Variants in VRK3 observed in about 807,000 individuals in gnomAD.
VRK3 encodes serine/threonine-protein kinase VRK3.
A neutral mutation model predicts 60.4 loss-of-function variants in VRK3; 50 were observed. That is an observed-to-expected ratio of 0.83 (90% CI 0.66 to 1.05). The LOEUF (loss-of-function observed/expected upper bound fraction) is 1.05, where lower values mean the gene tolerates loss of function less well. VRK3 is among the 50% of genes least tolerant of loss of function. The pLI, the probability that VRK3 is intolerant of heterozygous loss-of-function variation, is 0.00. For synonymous variants in VRK3, 246 were observed against 227.8 expected, an observed-to-expected ratio of 1.08 and a Z score of -0.72; for missense variants, 549 against 585.3, an observed-to-expected ratio of 0.94 and a Z score of 0.64.
intron 3 of VRK3, among the ~76,000 whole-genome samples, chr19:50,011,050 TAGTTCACCCACTG>T (rs1231436838): frequency 2.0e-5 from 3 of 152,232 alleles, no homozygotes; most frequent in Non-Finnish European, 4.4e-5. Context: ...GCTTTTGTTG[TAGTTCACCCACTG>T]AGGAGCCCCA....
chr19:49,991,173 T>C (rs1281032486), intron 10 of VRK3, among the ~76,000 whole-genome samples: 2 of 152,158 alleles, frequency 1.3e-5, no homozygotes, highest in Non-Finnish European at 2.9e-5. Context: ...TGGGAGTGTC[T>C]ATGAGGGTGT....
At chr19:50,002,434 G>T (rs1379913449) in intron 5 of VRK3, among the ~76,000 whole-genome samples, 1 of 152,108 alleles carries the variant, frequency 6.6e-6, no homozygotes, top group Non-Finnish European at 1.5e-5. Flanking sequence ...GATCATGCTG[G>T]AGCAGGCTGT....
chr19:50,010,991 C>T (rs541876988), intron 3 of VRK3, among the ~76,000 whole-genome samples: 1 of 150,776 alleles, frequency 6.6e-6, no homozygotes, highest in African/African-American at 2.5e-5. Context: ...CCTTTATTTA[C>T]CCACCACCAA....
intron 1 of VRK3, among the ~76,000 whole-genome samples, chr19:50,021,135 G>A (rs180778141): frequency 3.3e-4 from 51 of 152,312 alleles, no homozygotes; most frequent in African/African-American, 1.2e-3. Context: ...GCATTATCCT[G>A]TTTAGTCTAT....
rs538144589 is a variant in VRK3 at position 50,009,882 on chromosome 19, C to T, written c.140-497G>A. 3.9e-5 allele frequency among the ~76,000 whole-genome samples: 6 copies of T among 152,134 alleles called. No individual in the cohort carries two copies. The South Asian group carries it at 1.0e-3, about 26-fold the overall frequency. On this transcript the variant is annotated intron_variant, in intron 3 of 14. Transcript: ENST00000316763. ...TTTTGAACTCCTGACCTCAAGTGATCGGCCAGCCTCAGCCTTCCAAAGTGC... is the reference window on the plus strand; with the variant it reads ...TTTTGAACTCCTGACCTCAAGTGATTGGCCAGCCTCAGCCTTCCAAAGTGC...
chr19:49,992,973 G>C (rs746624207), intron 9 of VRK3, 21 bp from the exon 10 acceptor site: 7 of 1,604,148 alleles, frequency 4.4e-6, no homozygotes, highest in Admixed American at 1.7e-5. Flanking sequence ...AAGCAAGTCA[G>C]TGTCTGCATG....
At chr19:49,994,732 T>C in intron 9 of VRK3, 82 bp downstream of exon 9, 6 of 1,262,934 alleles carry the variant, frequency 4.8e-6, no homozygotes, top group Non-Finnish European at 6.7e-6. Flanking sequence ...GGGCCGGAAG[T>C]GTCAATGACT....
chr19:49,981,396 C>A (rs1176694477), intron 12 of VRK3, among the ~76,000 whole-genome samples: 1 of 152,046 alleles, frequency 6.6e-6, no homozygotes, highest in African/African-American at 2.4e-5. Flanking sequence ...ATATAAAAAA[C>A]TAGCCGGGTG....
rs200819395 is a variant in VRK3 at position 50,004,110 on chromosome 19, T to C, written c.548-3256A>G. Among the ~76,000 whole-genome samples the C allele has an allele frequency of 1.8e-4, 28 of 152,322 alleles. No homozygotes were observed. The East Asian group carries it at 3.9e-3, about 21-fold the overall frequency. On this transcript the variant is annotated intron_variant, in intron 5 of 14. Transcript: ENST00000316763. ...ACAGGCTGGGCACTGGGGTTTGCTA[T>C]TTTTATCAAACAACCTGAGTCATAT...
At position 49,987,162 on chromosome 19, in the gene VRK3, C is replaced by T. The variant is rs538650617; in HGVS notation, c.1217+1210G>A. On this transcript the variant is annotated intron_variant, in intron 12 of 14. Coordinates refer to ENST00000316763, the MANE Select transcript of VRK3 (RefSeq NM_016440.4). The stretch of plus-strand genomic sequence containing the variant: ...GTGCTGGGATTAAGGCGTGAACCAC[C>T]GTGCCCGGCCTGGGCAACTGATATT... 2.3e-4 allele frequency among the ~76,000 whole-genome samples: 35 copies of T among 152,352 alleles called. No homozygotes were observed. In the East Asian group the frequency reaches 6.6e-3, roughly 29 times the overall value.
intron 5 of VRK3, among the ~76,000 whole-genome samples, chr19:50,005,505 T>C (rs1008935691): frequency 6.7e-6 from 1 of 149,608 alleles, no homozygotes; most frequent in African/African-American, 2.6e-5. Context: ...GGGATAGGGA[T>C]AGTACTGACA....
chr19:50,000,747 G>T (rs754943055), intron 6 of VRK3, 43 bp downstream of exon 6: 4 of 1,575,332 alleles, frequency 2.5e-6, no homozygotes. Context: ...GTTTGTGAAA[G>T]TCCCTCCCCT....
chr19:50,015,841 G>A (rs760370546), intron 3 of VRK3, 183 bp downstream of exon 3: 155 of 742,368 alleles, frequency 2.1e-4, no homozygotes, highest in Non-Finnish European at 3.1e-4. Flanking sequence ...AGTGTTCAAA[G>A]CCATGAGGCC....
At chr19:49,983,283 G>A (rs73932232) in intron 12 of VRK3, among the ~76,000 whole-genome samples, 10,736 of 152,140 alleles carry the variant, frequency 0.071, 771 homozygotes, top group African/African-American at 0.19. Flanking sequence ...TGCACATATC[G>A]CTCTCGCTGC....
At chr19:50,008,987 C>T (rs1384747295) in intron 4 of VRK3, among the ~76,000 whole-genome samples, 1 of 152,144 alleles carries the variant, frequency 6.6e-6, no homozygotes, top group Admixed American at 6.5e-5. Context: ...GGTCTGAGGG[C>T]ACCAGGAACA....
At chr19:50,019,715 C>CTTTTTTTTTTTTTTTTT (rs1225686835) in intron 2 of VRK3, among the ~76,000 whole-genome samples, 55 of 50,356 alleles carry the variant, frequency 1.1e-3, no homozygotes, top group Non-Finnish European at 1.4e-3. Context: ...TTTTTTTTTA[C>CTTTTTTTTTTTTTTTTT]TTTTTGTAGA....
chr19:50,019,715 C>CTTTTTTTTTT (rs1225686835), intron 2 of VRK3, among the ~76,000 whole-genome samples: 430 of 50,274 alleles, frequency 8.6e-3, no homozygotes, highest in African/African-American at 0.011. Flanking sequence ...TTTTTTTTTA[C>CTTTTTTTTTT]TTTTTGTAGA....
chr19:50,006,337 T>TAAC (rs1568802448), intron 5 of VRK3, among the ~76,000 whole-genome samples: 3 of 151,018 alleles, frequency 2.0e-5, no homozygotes, highest in African/African-American at 7.3e-5. Context: ...TAAATAATAA[T>TAAC]AATAAAAGAA....
At position 50,000,802 on chromosome 19, in the gene VRK3, G is replaced by A; in HGVS notation, c.600C>T (p.Phe200=). 3 of 1,613,712 alleles carry A rather than the reference G, an allele frequency of 1.9e-6. No individual in the cohort carries two copies. Among genetic ancestry groups the A allele is most frequent in the Non-Finnish European group, 2.5e-6 (3 of 1,179,836 alleles). ...TCDSGPQKQK[F]SLKLDAKDGR... is the part of the protein sequence containing the mutation. ...CAGGGTCACTTACCAGTTTGAGTGAGAACTTTTGCTTCTGTGGTCCTGAGT... is the reference window on the plus strand; with the variant it reads ...CAGGGTCACTTACCAGTTTGAGTGAAAACTTTTGCTTCTGTGGTCCTGAGT... The change falls in exon 6 of 15, where the codon TTC becomes TTT. Residue 200 remains phenylalanine (F), a synonymous_variant. Coordinates refer to ENST00000316763, the MANE Select transcript of VRK3 (RefSeq NM_016440.4).
Sources: gnomAD v4.1 joint callset for allele counts (sites outside exome capture counted in the v4.1 genomes callset) on GRCh38, gnomAD v4.1.1 for gene constraint, MANE v1.5 for transcripts, NCBI Gene and HGNC (gene_info 2026-07-23, HGNC 2026-07-21) for gene names.